Variants in TTC21B observed in about 807,000 individuals in gnomAD.
TTC21B encodes the protein tetratricopeptide repeat protein 21B.
A neutral mutation model predicts 175.1 loss-of-function variants in TTC21B; 127 were observed. The observed-to-expected ratio is 0.73, with a 90% CI of 0.63 to 0.84. The LOEUF (loss-of-function observed/expected upper bound fraction) is 0.84. TTC21B is among the 40% of genes least tolerant of loss of function. The pLI, the probability that TTC21B is intolerant of heterozygous loss-of-function variation, is 0.00. For synonymous variants in TTC21B, 524 were observed against 524.5 expected (o/e 1.00, Z 0.01); for missense variants, 1,561 against 1,558.3 (o/e 1.00, Z -0.03).
intron 12 of TTC21B, among the ~76,000 whole-genome samples, chr2:165,922,528 C>T (rs1423236030): frequency 6.8e-6 from 1 of 146,870 alleles, no homozygotes; most frequent in Non-Finnish European, 1.5e-5. Context: ...TAGTTAGGTA[C>T]CACCTTACCA....
Position 165,911,455 on chromosome 2 carries a change from T to C in TTC21B, c.2333A>G (p.Tyr778Cys), listed in dbSNP as rs1685930341. 2 of 1,613,744 alleles carry C rather than the reference T, an allele frequency of 1.2e-6. No homozygotes were observed. The highest frequency in any genetic ancestry group is 1.7e-6 in the Non-Finnish European group (2 of 1,179,840). Residue 778 changes from tyrosine (Y) to cysteine (C), a missense_variant, in exon 18 of 29, where the codon TAC becomes TGC. Transcript: ENST00000243344. ...KTHNYSMAIT[Y>C]YEAALKTGQK... is the part of the protein sequence containing the mutation. ...TCCAGTTTTCAGAGCAGCTTCATAG[T>C]AAGTGATTGCCTAAACAAAATTCAT...
intron 24 of TTC21B, among the ~76,000 whole-genome samples, chr2:165,888,694 T>TA (rs1433832778): frequency 2.6e-5 from 4 of 152,170 alleles, no homozygotes; most frequent in African/African-American, 9.7e-5. Flanking sequence ...ATGGACTCAA[T>TA]AAAACACCAT....
At chr2:165,904,727 C>A (rs1371570954) in intron 19 of TTC21B, among the ~76,000 whole-genome samples, 1 of 152,184 alleles carries the variant, frequency 6.6e-6, no homozygotes, top group Non-Finnish European at 1.5e-5. Context: ...ACCTCACAGA[C>A]CTGTTGCTTC....
chr2:165,916,820 G>A (rs1034286520), intron 14 of TTC21B, among the ~76,000 whole-genome samples: 1 of 152,060 alleles, frequency 6.6e-6, no homozygotes, highest in Non-Finnish European at 1.5e-5. Context: ...TTAGTGCAAG[G>A]TAATGAAAAT....
At chr2:165,923,743 G>GTTTTTTT (rs1190876494) in intron 12 of TTC21B, among the ~76,000 whole-genome samples, 4 of 107,306 alleles carry the variant, frequency 3.7e-5, no homozygotes, top group Middle Eastern at 7.4e-3. Context: ...CGCCCAGCTG[G>GTTTTTTT]TTTTTTTTTT....
intron 16 of TTC21B, among the ~76,000 whole-genome samples, chr2:165,913,049 T>C (rs530537128): frequency 7.3e-4 from 111 of 152,062 alleles, no homozygotes; most frequent in African/African-American, 2.5e-3. Context: ...TCTACATTTT[T>C]TTTTTTTGAG....
intron 13 of TTC21B, among the ~76,000 whole-genome samples, chr2:165,918,517 G>A (rs1321352248): frequency 2.6e-5 from 4 of 151,918 alleles, no homozygotes; most frequent in Admixed American, 2.0e-4. Flanking sequence ...GGATGGTCTC[G>A]ATCTCCTGAC....
intron 21 of TTC21B, among the ~76,000 whole-genome samples, 192 bp downstream of exon 21, chr2:165,899,578 T>C (rs984707378): frequency 2.6e-5 from 4 of 152,236 alleles, no homozygotes; most frequent in African/African-American, 7.2e-5. Context: ...GACCTAGGTT[T>C]ATCTTTCTTA....
chr2:165,935,798 C>A (rs1215497581), intron 6 of TTC21B, among the ~76,000 whole-genome samples: 1 of 152,044 alleles, frequency 6.6e-6, no homozygotes, highest in African/African-American at 2.4e-5. Context: ...TTTTTAAATT[C>A]TGACAAAAGA....
chr2:165,875,658 C>T (rs1357954321), intron 28 of TTC21B, among the ~76,000 whole-genome samples: 1 of 152,088 alleles, frequency 6.6e-6, no homozygotes, highest in Admixed American at 6.5e-5. Flanking sequence ...CTTTTTATCT[C>T]TAATTGATCA....
intron 27 of TTC21B, 90 bp from the exon 28 acceptor site, chr2:165,876,322 G>C (rs906718705): frequency 1.2e-6 from 1 of 844,296 alleles, no homozygotes; most frequent in Non-Finnish European, 2.0e-6. Flanking sequence ...TTACTCACTA[G>C]AGAATGGTAA....
chr2:165,938,203 AT>A (rs76476719), intron 6 of TTC21B, among the ~76,000 whole-genome samples: 3,301 of 148,476 alleles, frequency 0.022, 128 homozygotes, highest in Admixed American at 0.11. Flanking sequence ...AATTCTTGGC[AT>A]TTTTTTTTTT....
chr2:165,918,420 G>A (rs1234635225), intron 13 of TTC21B, among the ~76,000 whole-genome samples: 1 of 152,020 alleles, frequency 6.6e-6, no homozygotes, highest in Non-Finnish European at 1.5e-5. Flanking sequence ...TCAGTCTCCC[G>A]AGTAGCTGGG....
rs1395930209 is a variant in TTC21B, at chr2:165,953,708, C to A, written c.-3G>T. On this transcript the variant is annotated 5_prime_UTR_variant, in exon 1 of 29. Transcript: ENST00000243344. ...ACCTTCAATTCCTGCGAGTCCATGG[C>A]TGCCCCGAGGCCGGGCCGCGGGGCT... 1 of 1,517,062 alleles carries A rather than the reference C, an allele frequency of 6.6e-7. No individual in the cohort carries two copies. Among genetic ancestry groups the A allele is most frequent in the Admixed American group, 2.0e-5 (1 of 49,584 alleles). The allele number at this position is 1,517,062 out of a possible 1,614,324, so 94.0% of individuals were successfully genotyped here. A position where few individuals can be genotyped will look rare whatever the true frequency, so the allele number is the denominator to read the frequency against.
rs1165619477 is a variant in TTC21B, at chr2:165,949,700, CTT to C, written c.44_45del (p.Gln15ArgfsTer13). 2 of 1,611,900 alleles carry C rather than the reference CTT, an allele frequency of 1.2e-6. No individual in the cohort carries two copies. The highest frequency in any genetic ancestry group is 2.2e-5 in the South Asian group (2 of 91,020). ...ELKTLINYYC[Q>X]ERYFHHVLLV... ...AGTAATACATGATGGAAATATCTCT[CTT>C]GACAATAGTAATTAATCAAAGTCTA... On this transcript the variant is annotated frameshift_variant, in exon 2 of 29. Transcript: ENST00000243344. LOFTEE classifies it high-confidence loss of function.
intron 15 of TTC21B, among the ~76,000 whole-genome samples, chr2:165,914,867 A>T (rs946678758): frequency 6.6e-6 from 1 of 152,040 alleles, no homozygotes; most frequent in African/African-American, 2.4e-5. Flanking sequence ...TATCCCGTAG[A>T]TTATTGTTAT....
intron 1 of TTC21B, among the ~76,000 whole-genome samples, chr2:165,952,000 C>T (rs995547115): frequency 1.3e-5 from 2 of 152,178 alleles, no homozygotes; most frequent in African/African-American, 2.4e-5. Context: ...CACACGTACA[C>T]GCTCTTCCTA....
intron 25 of TTC21B, 42 bp from the exon 26 acceptor site, chr2:165,884,060 T>C (rs756108083): frequency 2.0e-6 from 3 of 1,507,702 alleles, no homozygotes; most frequent in South Asian, 1.1e-5. Flanking sequence ...TGCATAAACA[T>C]AAATGCCCCA....
intron 28 of TTC21B, 80 bp downstream of exon 28, chr2:165,876,085 T>C: frequency 3.6e-6 from 3 of 829,232 alleles, no homozygotes; most frequent in Non-Finnish European, 4.2e-6. Context: ...TCTATTTCTA[T>C]TCACATACAT....
Sources: allele counts gnomAD v4.1 joint callset (sites outside exome capture counted in the v4.1 genomes callset), GRCh38; gene constraint gnomAD v4.1.1; transcripts MANE v1.5; gene names NCBI Gene and HGNC (gene_info 2026-07-23, HGNC 2026-07-21).